The following KHDRBS2 variants were observed in gnomAD, a reference collection of about 807,000 sequenced individuals.
KHDRBS2 encodes KH RNA binding domain containing, signal transduction associated 2.
A neutral mutation model predicts 44.3 loss-of-function variants in KHDRBS2; 26 were observed. The observed-to-expected ratio is 0.59, with a 90% CI of 0.43 to 0.81. KHDRBS2 has a LOEUF of 0.81. Ranked by LOEUF, KHDRBS2 falls within the 40% of genes least tolerant of loss-of-function variation. KHDRBS2 has a pLI of 0.00. For synonymous variants in KHDRBS2, 194 were observed against 151.1 expected (o/e 1.28, Z -2.08); for missense variants, 476 against 433.1 (o/e 1.10, Z -0.88).
At chr6:62,283,395 A>G (rs1561916734) in intron 1 of KHDRBS2, among the ~76,000 whole-genome samples, 1 of 152,164 alleles carries the variant, frequency 6.6e-6, no homozygotes, top group Non-Finnish European at 1.5e-5. Flanking sequence ...ATCACCAATC[A>G]AAATGCAAAA....
At chr6:62,157,656 T>C (rs1816754064) in intron 2 of KHDRBS2, among the ~76,000 whole-genome samples, 1 of 152,212 alleles carries the variant, frequency 6.6e-6, no homozygotes, top group Non-Finnish European at 1.5e-5. Context: ...AGCATGTTTA[T>C]ATAATTTTTA....
intron 2 of KHDRBS2, among the ~76,000 whole-genome samples, chr6:62,174,209 A>C (rs1585061561): frequency 6.6e-6 from 1 of 151,948 alleles, no homozygotes; most frequent in East Asian, 1.9e-4. Flanking sequence ...ACTTAAGCTA[A>C]GTTTCAGGAT....
chr6:61,849,583 C>G (rs1795146853), intron 6 of KHDRBS2, among the ~76,000 whole-genome samples: 1 of 151,524 alleles, frequency 6.6e-6, no homozygotes, highest in Non-Finnish European at 1.5e-5. Context: ...CCTGTTTTAA[C>G]TATTACCTTT....
the KHDRBS2 span, among the ~76,000 whole-genome samples, chr6:61,649,002 TG>T: frequency 6.6e-6 from 1 of 152,052 alleles, no homozygotes; most frequent in Non-Finnish European, 1.5e-5. Flanking sequence ...GGGGATTTTG[TG>T]GTTGATCAAG....
At chr6:62,189,716 T>C (rs1824200217) in intron 1 of KHDRBS2, among the ~76,000 whole-genome samples, 1 of 152,090 alleles carries the variant, frequency 6.6e-6, no homozygotes, top group Non-Finnish European at 1.5e-5. Context: ...AGAGGTTTGC[T>C]GTAGATAGAA....
chr6:61,810,727 A>C (rs2127592545), intron 6 of KHDRBS2, among the ~76,000 whole-genome samples: 1 of 152,246 alleles, frequency 6.6e-6, no homozygotes, highest in East Asian at 1.9e-4. Flanking sequence ...TAGAATATTT[A>C]GAGAGGGACT....
At chr6:62,053,462 T>C (rs1221261470) in intron 2 of KHDRBS2, among the ~76,000 whole-genome samples, 2 of 152,004 alleles carry the variant, frequency 1.3e-5, no homozygotes, top group Admixed American at 6.6e-5. Flanking sequence ...ATCATAGGTA[T>C]ACAAGTATTT....
the KHDRBS2 span, among the ~76,000 whole-genome samples, chr6:61,658,042 C>G: frequency 5.3e-4 from 81 of 151,960 alleles, no homozygotes; most frequent in African/African-American, 1.8e-3. Context: ...ATTCAACAAA[C>G]AAATATATAT....
chr6:62,224,875 T>C (rs1297872213), intron 1 of KHDRBS2, among the ~76,000 whole-genome samples: 1 of 152,214 alleles, frequency 6.6e-6, no homozygotes, highest in Non-Finnish European at 1.5e-5. Context: ...AAAAGTTTCA[T>C]GCTCAAAGAT....
chr6:61,710,930 C>G (rs925825217), intron 7 of KHDRBS2, among the ~76,000 whole-genome samples: 81 of 147,098 alleles, frequency 5.5e-4, no homozygotes, highest in Non-Finnish European at 1.2e-3. Context: ...TTTGATGCAA[C>G]TGGACTCAGC....
intron 2 of KHDRBS2, among the ~76,000 whole-genome samples, chr6:62,153,484 CA>C (rs1815670313): frequency 8.6e-6 from 1 of 116,256 alleles, no homozygotes; most frequent in African/African-American, 3.2e-5. Context: ...GAAAACGTTT[CA>C]GCCTTTATAT....
chr6:61,760,908 C>A (rs1188110836), intron 6 of KHDRBS2, among the ~76,000 whole-genome samples: 4 of 152,210 alleles, frequency 2.6e-5, no homozygotes, highest in Middle Eastern at 6.8e-3. Context: ...TTGAAATTTT[C>A]TTCTATAGTT....
At chr6:62,060,994 A>C (rs1791692356) in intron 2 of KHDRBS2, among the ~76,000 whole-genome samples, 2 of 151,742 alleles carry the variant, frequency 1.3e-5, no homozygotes, top group Admixed American at 1.3e-4. Context: ...TAGGATTGCA[A>C]CCCTTGCCTT....
At chr6:62,017,416 T>A (rs1332559950) in intron 3 of KHDRBS2, among the ~76,000 whole-genome samples, 3 of 152,160 alleles carry the variant, frequency 2.0e-5, no homozygotes, top group Admixed American at 6.5e-5. Context: ...GAAATAATTA[T>A]CTTTTTAAAA....
chr6:61,564,517 G>A, the KHDRBS2 span, among the ~76,000 whole-genome samples: 1 of 151,966 alleles, frequency 6.6e-6, no homozygotes, highest in Non-Finnish European at 1.5e-5. Flanking sequence ...TCTCTGGTGA[G>A]TACCTCCCTC....
At chr6:62,004,034 G>A (rs1326556303) in intron 3 of KHDRBS2, among the ~76,000 whole-genome samples, 2 of 152,128 alleles carry the variant, frequency 1.3e-5, no homozygotes, top group Non-Finnish European at 2.9e-5. Context: ...AGCACTAAAT[G>A]CCCACAAGGT....
the KHDRBS2 span, among the ~76,000 whole-genome samples, chr6:61,674,582 A>G: frequency 0.025 from 3,737 of 151,886 alleles, 73 homozygotes; most frequent in Middle Eastern, 0.082. Context: ...AAAAACCAGA[A>G]GATTCCACTA....
chr6:62,057,456 G>T (rs1376544270), intron 2 of KHDRBS2, among the ~76,000 whole-genome samples: 2 of 151,896 alleles, frequency 1.3e-5, no homozygotes, highest in East Asian at 3.9e-4. Flanking sequence ...CACAAAAGTT[G>T]TTCTACTAAG....
Position 62,219,914 on chromosome 6 carries a change from C to A in KHDRBS2, c.92-42602G>T, listed in dbSNP as rs1481419883. Among the ~76,000 whole-genome samples, 16 of 146,246 alleles carry A rather than the reference C, an allele frequency of 1.1e-4. No individual in the cohort carries two copies. In the East Asian group the frequency reaches 2.9e-3, roughly 27 times the overall value. On this transcript the variant is annotated intron_variant, in intron 1 of 8. Coordinates refer to ENST00000281156, the MANE Select transcript of KHDRBS2 (RefSeq NM_152688.4). ...TACAATCATTTTATATAGATCTATA[C>A]TTGAAATTATATATATATATTAATA...
Sources: allele counts gnomAD v4.1 joint callset (sites outside exome capture counted in the v4.1 genomes callset), GRCh38; gene constraint gnomAD v4.1.1; transcripts MANE v1.5; gene names NCBI Gene and HGNC (gene_info 2026-07-23, HGNC 2026-07-21).